Variants in RASEF observed in about 807,000 individuals in gnomAD.
RASEF encodes the protein RAS and EF-hand domain containing, also known as ras and EF-hand domain-containing protein.
A neutral mutation model predicts 90.1 loss-of-function variants in RASEF; 68 were observed. That is an observed-to-expected ratio of 0.75 (90% CI 0.62 to 0.92). The LOEUF (loss-of-function observed/expected upper bound fraction) is 0.92. Among genes scored for constraint, RASEF ranks in the 40% least tolerant of loss-of-function variants. The pLI, the probability that RASEF is intolerant of heterozygous loss-of-function variation, is 0.00. For synonymous variants in RASEF, 331 were observed against 345.2 expected (o/e 0.96, Z 0.46); for missense variants, 949 against 937.2 (o/e 1.01, Z -0.16).
At chr9:83,087,063 T>G in the RASEF span, among the ~76,000 whole-genome samples, 3 of 152,148 alleles carry the variant, frequency 2.0e-5, no homozygotes, top group Non-Finnish European at 4.4e-5. Flanking sequence ...ACAAGTACTT[T>G]ATCACATTTT....
chr9:83,011,562 A>AAAC (rs1587493371), intron 5 of RASEF, among the ~76,000 whole-genome samples: 3 of 150,208 alleles, frequency 2.0e-5, no homozygotes, highest in East Asian at 3.9e-4. Context: ...AAAAAAAAAA[A>AAAC]AAAAAAAAAA....
intron 9 of RASEF, among the ~76,000 whole-genome samples, chr9:83,003,463 C>T (rs142625407): frequency 7.2e-5 from 11 of 152,266 alleles, no homozygotes; most frequent in African/African-American, 2.6e-4. Context: ...ATACCTTTCC[C>T]CCCAATTTGC....
intron 1 of RASEF, chr9:83,055,148 T>C (rs1244034037): frequency 0.019 from 3,227 of 169,116 alleles, 85 homozygotes; most frequent in African/African-American, 0.057. Context: ...CCCAGCCTCG[T>C]TGCCGCCTTG....
chr9:83,086,512 T>G, the RASEF span, among the ~76,000 whole-genome samples: 1 of 152,328 alleles, frequency 6.6e-6, no homozygotes, highest in East Asian at 1.9e-4. Context: ...CTATGTTTTA[T>G]ACCAATTTAT....
chr9:83,049,625 G>A (rs565913366), intron 1 of RASEF, among the ~76,000 whole-genome samples: 1 of 142,666 alleles, frequency 7.0e-6, no homozygotes, highest in African/African-American at 2.8e-5. Flanking sequence ...GTGCCATGCT[G>A]GTGCGCTGCA....
Position 83,001,142 on chromosome 9 carries a change from G to T in RASEF, c.1203-12C>A. 1 of 1,593,174 alleles carries T rather than the reference G, an allele frequency of 6.3e-7. No homozygotes were observed. The highest frequency in any genetic ancestry group is 8.6e-7 in the Non-Finnish European group (1 of 1,161,898). ...AAGAGCGGGATGACCTGGTAATAAAGGGGAAGACCAATTTACCTGAGGGCT... is the reference window on the plus strand; with the variant it reads ...AAGAGCGGGATGACCTGGTAATAAATGGGAAGACCAATTTACCTGAGGGCT... On this transcript the variant is annotated splice_polypyrimidine_tract_variant and intron_variant, in intron 9 of 16. Coordinates refer to ENST00000376447, the MANE Select transcript of RASEF (RefSeq NM_152573.4).
At chr9:83,171,725 T>C in the RASEF span, among the ~76,000 whole-genome samples, 1 of 151,970 alleles carries the variant, frequency 6.6e-6, no homozygotes, top group South Asian at 2.1e-4. Context: ...TAGTTGCTCA[T>C]AATAATCTCT....
At position 82,980,629 on chromosome 9, in the gene RASEF, C is replaced by T. The variant is rs1587469059; in HGVS notation, c.*2048G>A. ...GGCAACACAGTAACATATAAACTAA[C>T]ACAGTTTTGTGCAACTGCACCAAAA... On this transcript the variant is annotated 3_prime_UTR_variant, in exon 17 of 17. Transcript: ENST00000376447. The T allele has an allele frequency of 6.6e-6, 1 of 152,292 alleles. No individual in the cohort carries two copies. Among genetic ancestry groups the T allele is most frequent in the East Asian group, 1.9e-4 (1 of 5,174 alleles). 9.4% of individuals were successfully genotyped at this position (152,292 alleles called of 1,614,324 possible).
Position 83,062,444 on chromosome 9 carries a change from T to A in RASEF, c.424A>T (p.Ile142Phe). ...CCCAGCTCACACTCGCACCTGGGAA[T>A]GAACTTGGCTTCGTCCCCAAGTCGC... The part of the protein sequence containing the change: ...QARLGDEAKF[I>F]PREEQVSTLY... The change falls in exon 1 of 17, where the codon ATT (isoleucine) becomes TTT (phenylalanine). Residue 142 changes from isoleucine to phenylalanine, a missense_variant. Physicochemically the swap from Ile to Phe is conservative, Grantham distance 21. Coordinates refer to ENST00000376447, the MANE Select transcript of RASEF (RefSeq NM_152573.4). 6.2e-7 allele frequency: 1 copy of A among 1,612,862 alleles called. No individual in the cohort carries two copies. The highest frequency in any genetic ancestry group is 1.3e-5 in the African/African-American group (1 of 74,978).
the RASEF span, among the ~76,000 whole-genome samples, chr9:83,114,813 ATG>A: frequency 2.6e-5 from 4 of 152,138 alleles, no homozygotes; most frequent in Admixed American, 6.6e-5. Context: ...ATCAGTGACA[ATG>A]TGTGCCTGAA....
chr9:83,132,118 G>A, the RASEF span, among the ~76,000 whole-genome samples: 3 of 152,020 alleles, frequency 2.0e-5, no homozygotes, highest in Admixed American at 6.6e-5. Flanking sequence ...AACCTGGGTG[G>A]GCTTGTGACC....
the RASEF span, among the ~76,000 whole-genome samples, chr9:83,191,187 A>C: frequency 6.6e-6 from 1 of 152,208 alleles, no homozygotes; most frequent in Non-Finnish European, 1.5e-5. Context: ...AAGTAACCAC[A>C]TTCAATTCAA....
chr9:83,182,633 C>T, the RASEF span, among the ~76,000 whole-genome samples: 1 of 152,078 alleles, frequency 6.6e-6, no homozygotes, highest in African/African-American at 2.4e-5. Flanking sequence ...AACACTTAGA[C>T]AAATATATCC....
chr9:83,047,880 G>C (rs1018826533), intron 1 of RASEF, among the ~76,000 whole-genome samples: 2 of 152,148 alleles, frequency 1.3e-5, no homozygotes, highest in Non-Finnish European at 2.9e-5. Flanking sequence ...CCTAACATTT[G>C]AATTAACCAG....
chr9:83,179,939 C>T, the RASEF span, among the ~76,000 whole-genome samples: 2 of 152,080 alleles, frequency 1.3e-5, no homozygotes, highest in Admixed American at 1.3e-4. Context: ...CCAGGGCAAA[C>T]CAACACGTAA....
At position 83,009,697 on chromosome 9, in the gene RASEF, C is replaced by T. The variant is rs1247937412; in HGVS notation, c.903G>A (p.Gln301=). The T allele has an allele frequency of 1.2e-6, 2 of 1,613,584 alleles. No individual in the cohort carries two copies. Among genetic ancestry groups the T allele is most frequent in the Non-Finnish European group, 1.7e-6 (2 of 1,179,760 alleles). ...CACTTTTCAAAGCATCTAACTCACTCTGAAGAAAGGCTATGTTTGTCTGTG... is the reference window on the plus strand; with the variant it reads ...CACTTTTCAAAGCATCTAACTCACTTTGAAGAAAGGCTATGTTTGTCTGTG... The part of the protein sequence containing the change: ...LEAQTNIAFL[Q]SELDALKSDY... The change falls in exon 6 of 17, where the codon CAG becomes CAA. Residue 301 remains glutamine (Q), a synonymous_variant. Transcript: ENST00000376447.
At chr9:83,205,414 G>T in the RASEF span, among the ~76,000 whole-genome samples, 8 of 152,014 alleles carry the variant, frequency 5.3e-5, no homozygotes, top group Non-Finnish European at 1.2e-4. Flanking sequence ...CAATGACATT[G>T]GACATCTCAC....
the RASEF span, among the ~76,000 whole-genome samples, chr9:83,183,165 T>C: frequency 1.3e-5 from 2 of 149,638 alleles, no homozygotes; most frequent in Non-Finnish European, 3.0e-5. Flanking sequence ...AACAGATGCA[T>C]TTTTCTTTTG....
the RASEF span, among the ~76,000 whole-genome samples, chr9:83,174,610 T>C: frequency 6.6e-6 from 1 of 152,190 alleles, no homozygotes; most frequent in Non-Finnish European, 1.5e-5. Flanking sequence ...TTTTTGAACA[T>C]TGTTTTGACT....
Sources: gnomAD v4.1 joint callset for allele counts (sites outside exome capture counted in the v4.1 genomes callset) on GRCh38, gnomAD v4.1.1 for gene constraint, MANE v1.5 for transcripts, NCBI Gene and HGNC (gene_info 2026-07-23, HGNC 2026-07-21) for gene names.